Variants in CSMD1 observed in about 807,000 individuals in gnomAD.
The protein encoded by CSMD1 is CUB and sushi domain-containing protein 1.
In CSMD1, 213 loss-of-function variants were observed where a neutral mutation model predicts 417.5. The observed-to-expected ratio is 0.51, with a 90% CI of 0.46 to 0.57. The LOEUF (loss-of-function observed/expected upper bound fraction) is 0.57, where lower values mean the gene tolerates loss of function less well. CSMD1 is among the 20% of genes least tolerant of loss of function. The pLI, the probability that CSMD1 is intolerant of heterozygous loss-of-function variation, is 0.00. For synonymous variants in CSMD1, 2,862 were observed against 1,736.8 expected, an observed-to-expected ratio of 1.65 and a Z score of -16.11; for missense variants, 6,923 against 4,529.7, an observed-to-expected ratio of 1.53 and a Z score of -15.17.
At chr8:3,884,680 T>C (rs11136673) in intron 5 of CSMD1, among the ~76,000 whole-genome samples, 83,911 of 151,924 alleles carry the variant, frequency 0.55, 26,074 homozygotes, top group Admixed American at 0.69. Context: ...CTCTTTTAAA[T>C]TATAATTTTA....
At chr8:4,496,038 T>C (rs982221989) in intron 2 of CSMD1, among the ~76,000 whole-genome samples, 2 of 152,200 alleles carry the variant, frequency 1.3e-5, no homozygotes, top group African/African-American at 2.4e-5. Flanking sequence ...GTGGTCTTAA[T>C]TGGCACTGTT....
chr8:2,997,671 A>C (rs1807025761), intron 54 of CSMD1, among the ~76,000 whole-genome samples: 1 of 152,262 alleles, frequency 6.6e-6, no homozygotes. Context: ...GAACTTCGTA[A>C]AGACAGTCAT....
At chr8:3,539,864 C>T (rs767583823) in intron 10 of CSMD1, among the ~76,000 whole-genome samples, 1 of 151,852 alleles carries the variant, frequency 6.6e-6, no homozygotes, top group Non-Finnish European at 1.5e-5. Flanking sequence ...TAATTTTGTT[C>T]GACCAAACGA....
At chr8:3,762,573 C>T (rs754165520) in intron 5 of CSMD1, among the ~76,000 whole-genome samples, 1 of 152,238 alleles carries the variant, frequency 6.6e-6, no homozygotes, top group African/African-American at 2.4e-5. Flanking sequence ...TTTGGTATCA[C>T]AGCCATGTAG....
At chr8:3,021,335 C>A (rs949835644) in intron 51 of CSMD1, among the ~76,000 whole-genome samples, 1 of 152,200 alleles carries the variant, frequency 6.6e-6, no homozygotes, top group Non-Finnish European at 1.5e-5. Context: ...CCCAGAGTTT[C>A]CTTGTATGGT....
intron 1 of CSMD1, among the ~76,000 whole-genome samples, chr8:4,789,003 G>T (rs1380418813): frequency 1.3e-5 from 2 of 152,102 alleles, no homozygotes; most frequent in Admixed American, 1.3e-4. Context: ...AGGACTCTCA[G>T]CCTTGAAATC....
intron 2 of CSMD1, among the ~76,000 whole-genome samples, chr8:4,582,740 C>T (rs551979216): frequency 3.3e-5 from 5 of 152,226 alleles, no homozygotes; most frequent in Non-Finnish European, 5.9e-5. Context: ...CTTGAGGAGC[C>T]CTTTGGCCCA....
intron 1 of CSMD1, among the ~76,000 whole-genome samples, chr8:4,941,736 C>A (rs1205187697): frequency 6.6e-6 from 1 of 152,050 alleles, no homozygotes; most frequent in Non-Finnish European, 1.5e-5. Context: ...GTAGTTGGGA[C>A]CACAGGCATG....
intron 3 of CSMD1, among the ~76,000 whole-genome samples, chr8:4,328,884 A>T (rs191085419): frequency 2.0e-5 from 3 of 152,218 alleles, no homozygotes; most frequent in Non-Finnish European, 4.4e-5. Flanking sequence ...AAATGTCCTC[A>T]TAACATTCAT....
chr8:4,048,392 G>A lies in CSMD1; in HGVS notation c.416-16293C>T, dbSNP rs142657938. 1.0e-3 allele frequency among the ~76,000 whole-genome samples: 153 copies of A among 152,196 alleles called. 2 individuals are homozygous for A. Among genetic ancestry groups the A allele is most frequent in the African/African-American group, 3.6e-3 (151 of 41,564 alleles). On this transcript the variant is annotated intron_variant, in intron 3 of 69. Coordinates refer to ENST00000635120, the MANE Select transcript of CSMD1 (RefSeq NM_033225.6). ...CAGCTAACACAGACAATGCTTCCTA[G>A]ACAAACCACTGTGTACATATTTCAA...
At chr8:3,682,010 C>T (rs4413798) in intron 7 of CSMD1, among the ~76,000 whole-genome samples, 2 of 151,962 alleles carry the variant, frequency 1.3e-5, no homozygotes, top group Non-Finnish European at 2.9e-5. Context: ...GAAACTGGAT[C>T]CCTTCCTTAC....
chr8:4,742,230 C>G (rs989194596), intron 1 of CSMD1, among the ~76,000 whole-genome samples: 2 of 150,946 alleles, frequency 1.3e-5, no homozygotes, highest in Non-Finnish European at 3.0e-5. Flanking sequence ...CGGGGTTTCA[C>G]CTTGTTAGCC....
intron 3 of CSMD1, among the ~76,000 whole-genome samples, chr8:4,095,458 A>G (rs1800958097): frequency 6.6e-6 from 1 of 152,194 alleles, no homozygotes; most frequent in Non-Finnish European, 1.5e-5. Context: ...CAATTTGAGC[A>G]TTTTGTATTT....
chr8:4,417,171 T>C (rs1796986211), intron 3 of CSMD1, among the ~76,000 whole-genome samples: 1 of 152,034 alleles, frequency 6.6e-6, no homozygotes, highest in African/African-American at 2.4e-5. Context: ...AGTCAAATAC[T>C]GTAAATAATC....
chr8:4,181,278 T>G (rs773864554), intron 3 of CSMD1, among the ~76,000 whole-genome samples: 2 of 152,220 alleles, frequency 1.3e-5, no homozygotes, highest in Non-Finnish European at 2.9e-5. Flanking sequence ...TCATCTGAAT[T>G]TGATATTTAT....
chr8:3,392,743 G>A (rs552868475), intron 17 of CSMD1, among the ~76,000 whole-genome samples: 1 of 152,210 alleles, frequency 6.6e-6, no homozygotes, highest in Middle Eastern at 3.4e-3. Flanking sequence ...AGCTCCCAGG[G>A]ATGTGTTAGT....
At chr8:3,554,836 G>C (rs887541659) in intron 10 of CSMD1, among the ~76,000 whole-genome samples, 3 of 152,156 alleles carry the variant, frequency 2.0e-5, no homozygotes, top group Non-Finnish European at 2.9e-5. Flanking sequence ...GGCAGGCCAA[G>C]AGTGCTGTGT....
chr8:3,160,826 T>TAAAG (rs1315424098), intron 38 of CSMD1, among the ~76,000 whole-genome samples: 1 of 152,226 alleles, frequency 6.6e-6, no homozygotes, highest in East Asian at 1.9e-4. Flanking sequence ...ATTTTGTATA[T>TAAAG]AAAGCACTTG....
intron 1 of CSMD1, among the ~76,000 whole-genome samples, chr8:4,946,108 T>C (rs995698248): frequency 2.0e-5 from 3 of 152,154 alleles, no homozygotes; most frequent in African/African-American, 7.2e-5. Context: ...TGTCTCTACG[T>C]GGCTCTGAGT....
Sources: gnomAD v4.1 joint callset for allele counts (sites outside exome capture counted in the v4.1 genomes callset) on GRCh38, gnomAD v4.1.1 for gene constraint, MANE v1.5 for transcripts, NCBI Gene and HGNC (gene_info 2026-07-23, HGNC 2026-07-21) for gene names.